TMEM178B: variants seen among roughly 807,000 people sequenced by gnomAD.
TMEM178B encodes transmembrane protein 178B.
TMEM178B carries 5 observed loss-of-function variants against 31.0 expected under a neutral mutation model. That is an observed-to-expected ratio of 0.16 (90% CI 0.08 to 0.34). The LOEUF is 0.34. TMEM178B is among the 10% of genes least tolerant of loss of function. The pLI is 1.00. For synonymous variants in TMEM178B, 164 were observed against 164.0 expected, an observed-to-expected ratio of 1.00 and a Z score of 0.00; for missense variants, 275 against 400.3, an observed-to-expected ratio of 0.69 and a Z score of 2.67.
intron 1 of TMEM178B, among the ~76,000 whole-genome samples, chr7:141,126,570 T>C (rs1315350073): frequency 2.0e-5 from 3 of 152,244 alleles, no homozygotes; most frequent in Non-Finnish European, 4.4e-5. Context: ...CTGCACCTTG[T>C]TCCTGCTTAG....
At chr7:141,203,812 G>T (rs1216780314) in intron 1 of TMEM178B, among the ~76,000 whole-genome samples, 1 of 152,116 alleles carries the variant, frequency 6.6e-6, no homozygotes, top group African/African-American at 2.4e-5. Flanking sequence ...CCTCTGGCAT[G>T]TGGTCGGCAT....
At chr7:141,326,811 C>T (rs1799198266) in intron 2 of TMEM178B, among the ~76,000 whole-genome samples, 2 of 152,144 alleles carry the variant, frequency 1.3e-5, no homozygotes, top group African/African-American at 4.8e-5. Flanking sequence ...CCAATAGCAC[C>T]TTCTGCAACA....
Position 141,461,388 on chromosome 7 carries a change from C to T in TMEM178B, c.635-9148C>T, listed in dbSNP as rs1043891945. On this transcript the variant is annotated intron_variant, in intron 3 of 3. Coordinates refer to ENST00000565468, the MANE Select transcript of TMEM178B (RefSeq NM_001195278.2). The surrounding 1 kb of genome is among the most constrained non-coding windows in gnomAD (Gnocchi z 4.0). ...ACATTCCTGGGAGCAGAAAATGTCACACAGATGGATATCTGGATCTAGAAA... is the reference window on the plus strand; with the variant it reads ...ACATTCCTGGGAGCAGAAAATGTCATACAGATGGATATCTGGATCTAGAAA... Among the ~76,000 whole-genome samples, 2 of 152,238 alleles carry T rather than the reference C, an allele frequency of 1.3e-5. No individual in the cohort carries two copies. Among genetic ancestry groups the T allele is most frequent in the African/African-American group, 2.4e-5 (1 of 41,464 alleles).
chr7:141,393,574 G>T (rs1800584227), intron 2 of TMEM178B, among the ~76,000 whole-genome samples: 1 of 152,184 alleles, frequency 6.6e-6, no homozygotes, highest in South Asian at 2.1e-4. Context: ...TGCTCTTCAT[G>T]GAAACCATCC....
At chr7:141,220,742 T>G (rs1180514523) in intron 2 of TMEM178B, among the ~76,000 whole-genome samples, 1 of 152,164 alleles carries the variant, frequency 6.6e-6, no homozygotes, top group Admixed American at 6.5e-5. Flanking sequence ...AGATTGGAAG[T>G]GGTTTTCTTC....
chr7:141,338,655 C>T (rs976519995), intron 2 of TMEM178B, among the ~76,000 whole-genome samples: 3 of 152,124 alleles, frequency 2.0e-5, no homozygotes, highest in African/African-American at 7.2e-5. Context: ...GTTTGGGACA[C>T]TGTATGCAGT....
At chr7:141,300,327 T>C (rs1488946827) in intron 2 of TMEM178B, among the ~76,000 whole-genome samples, 1 of 152,138 alleles carries the variant, frequency 6.6e-6, no homozygotes, top group African/African-American at 2.4e-5. Flanking sequence ...CAGCTGCTTG[T>C]AGGACATGTC....
intron 1 of TMEM178B, among the ~76,000 whole-genome samples, chr7:141,152,698 G>A (rs1178347431): frequency 3.3e-5 from 5 of 152,208 alleles, no homozygotes; most frequent in Admixed American, 1.3e-4. Context: ...CCTCCAACCC[G>A]AGGGGCTGCT....
intron 2 of TMEM178B, among the ~76,000 whole-genome samples, chr7:141,216,427 G>GTC (rs776007395): frequency 0.02 from 1,444 of 73,226 alleles, 22 homozygotes; most frequent in Non-Finnish European, 0.027. Context: ...TGAAGCCTGT[G>GTC]TGTGTGTGTG....
intron 2 of TMEM178B, among the ~76,000 whole-genome samples, chr7:141,220,182 G>T (rs1797231962): frequency 7.2e-6 from 1 of 139,828 alleles, no homozygotes; most frequent in East Asian, 2.2e-4. Context: ...GCTGGGCGTG[G>T]TGACATATGC....
intron 1 of TMEM178B, among the ~76,000 whole-genome samples, chr7:141,182,091 T>C (rs1157838047): frequency 1.3e-5 from 2 of 152,124 alleles, no homozygotes; most frequent in Non-Finnish European, 2.9e-5. Context: ...TTTGAAGTTC[T>C]CATGCCTTGA....
intron 2 of TMEM178B, among the ~76,000 whole-genome samples, chr7:141,334,923 G>A (rs549608401): frequency 7.4e-4 from 113 of 152,172 alleles, no homozygotes; most frequent in Non-Finnish European, 1.3e-3. Context: ...TTTGGAAAAC[G>A]GTTCTCAATC....
Position 141,479,056 on chromosome 7 carries a change from G to GCGCT in TMEM178B, c.*8271_*8274dup, listed in dbSNP as rs796772670. ...TCCCATCTGCCCCCAGAGGGTGTCG[G>GCGCT]CGCTGCCCCAGTCATGTCCCTTATG... On this transcript the variant is annotated 3_prime_UTR_variant, in exon 4 of 4. Transcript: ENST00000565468. 3 of 152,376 alleles carry GCGCT rather than the reference G, an allele frequency of 2.0e-5. No homozygotes were observed. Among genetic ancestry groups the GCGCT allele is most frequent in the African/African-American group, 7.2e-5 (3 of 41,552 alleles). 9.4% of individuals were successfully genotyped at this position (152,376 alleles called of 1,614,324 possible).
At chr7:141,204,381 A>G (rs1329805294) in intron 1 of TMEM178B, among the ~76,000 whole-genome samples, 3 of 152,278 alleles carry the variant, frequency 2.0e-5, no homozygotes, top group African/African-American at 4.8e-5. Flanking sequence ...CTGCTTTCCC[A>G]TAGTTGCTCA....
chr7:141,413,099 A>T (rs1357856264), intron 2 of TMEM178B, among the ~76,000 whole-genome samples: 1 of 152,210 alleles, frequency 6.6e-6, no homozygotes, highest in Non-Finnish European at 1.5e-5. Context: ...TCCGCCAACC[A>T]TGAATTTTAC....
chr7:141,295,514 G>T (rs1455781595), intron 2 of TMEM178B, among the ~76,000 whole-genome samples: 1 of 152,128 alleles, frequency 6.6e-6, no homozygotes, highest in Non-Finnish European at 1.5e-5. Flanking sequence ...ATTCATGAGT[G>T]CATTTAGCTC....
the TMEM178B span, among the ~76,000 whole-genome samples, chr7:141,487,738 T>C: frequency 4.8e-5 from 4 of 83,404 alleles, no homozygotes; most frequent in South Asian, 8.4e-4. Flanking sequence ...TAAGACTCCG[T>C]CTCAAAAAAA....
At chr7:141,346,453 C>T (rs1799621884) in intron 2 of TMEM178B, among the ~76,000 whole-genome samples, 2 of 152,216 alleles carry the variant, frequency 1.3e-5, no homozygotes, top group Admixed American at 6.5e-5. Context: ...AAATTAGCCC[C>T]TCTTAGGACA....
chr7:141,449,917 C>T (rs1586968421), intron 3 of TMEM178B, among the ~76,000 whole-genome samples: 3 of 152,336 alleles, frequency 2.0e-5, no homozygotes, highest in Middle Eastern at 6.8e-3. Context: ...AAGCATTACA[C>T]TGGAGAGGAT....
Sources: allele counts gnomAD v4.1 joint callset (sites outside exome capture counted in the v4.1 genomes callset), GRCh38; gene constraint gnomAD v4.1.1; non-coding constraint Gnocchi (gnomAD v3.1); transcripts MANE v1.5; gene names NCBI Gene and HGNC (gene_info 2026-07-23, HGNC 2026-07-21).